The following TRERF1 variants were observed in gnomAD, a reference collection of about 807,000 sequenced individuals.
TRERF1 encodes transcriptional regulating factor 1, also known as transcriptional-regulating factor 1.
In TRERF1, 27 loss-of-function variants were observed where a neutral mutation model predicts 122.9. That is an observed-to-expected ratio of 0.22 (90% CI 0.16 to 0.30). The LOEUF (loss-of-function observed/expected upper bound fraction) is 0.30. TRERF1 is among the 10% of genes least tolerant of loss of function. TRERF1 has a pLI of 1.00. For synonymous variants in TRERF1, 636 were observed against 641.7 expected (o/e 0.99, Z 0.13); for missense variants, 1,248 against 1,560.3 (o/e 0.80, Z 3.37).
chr6:42,352,976 G>A (rs1308476560), intron 3 of TRERF1, among the ~76,000 whole-genome samples: 1 of 152,126 alleles, frequency 6.6e-6, no homozygotes, highest in East Asian at 1.9e-4. Flanking sequence ...ATTCCAATGA[G>A]TAATTTGGCA....
chr6:42,259,746 A>T lies in TRERF1; in HGVS notation c.1885-23T>A, dbSNP rs1194977902. 2 of 1,599,576 alleles carry T rather than the reference A, an allele frequency of 1.3e-6. No homozygotes were observed. Among genetic ancestry groups the T allele is most frequent in the Non-Finnish European group, 1.7e-6 (2 of 1,179,814 alleles). ...TTCCTAAAACCGGAACAACGATCTG[A>T]TTCGAATACTTCAGCTTCCCCCGCA... On this transcript the variant is annotated intron_variant, in intron 8 of 17. Transcript: ENST00000372922. This position sits in a 1 kb window ranked among gnomAD's most constrained non-coding sequence, Gnocchi z 4.9.
chr6:42,281,023 G>A (rs1377334498), intron 4 of TRERF1, among the ~76,000 whole-genome samples: 1 of 152,150 alleles, frequency 6.6e-6, no homozygotes, highest in Non-Finnish European at 1.5e-5. Context: ...GATGATGAAG[G>A]TTGGCTTCTG....
chr6:42,238,972 A>T (rs557964175), intron 15 of TRERF1, among the ~76,000 whole-genome samples: 1 of 152,210 alleles, frequency 6.6e-6, no homozygotes, highest in Admixed American at 6.5e-5. Flanking sequence ...CTGGTAAAAA[A>T]GTTGAACTGA....
At chr6:42,366,748 A>C (rs1772808868) in intron 2 of TRERF1, among the ~76,000 whole-genome samples, 2 of 152,206 alleles carry the variant, frequency 1.3e-5, no homozygotes, top group African/African-American at 4.8e-5. Flanking sequence ...GAGGAGCTGG[A>C]CTGATCCACT....
At chr6:42,384,418 A>G (rs937930072) in intron 2 of TRERF1, among the ~76,000 whole-genome samples, 1 of 152,240 alleles carries the variant, frequency 6.6e-6, no homozygotes, top group African/African-American at 2.4e-5. Flanking sequence ...GTATGCCAAC[A>G]GTTGTTGAAA....
Position 42,415,293 on chromosome 6 carries a change from C to G in TRERF1, c.-454+35884G>C, listed in dbSNP as rs541771603. On this transcript the variant is annotated intron_variant, in intron 2 of 17. Transcript: ENST00000372922. ...CTTTGTATATTAAGAAAATTAACTC[C>G]TTTTATCATATTTTTTCCAAATTAT... 3.6e-4 allele frequency among the ~76,000 whole-genome samples: 55 copies of G among 152,130 alleles called. No homozygotes were observed. The South Asian group carries it at 5.8e-3, about 16-fold the overall frequency.
chr6:42,443,432 G>C (rs1215623674), intron 2 of TRERF1, among the ~76,000 whole-genome samples: 5 of 152,254 alleles, frequency 3.3e-5, no homozygotes, highest in Admixed American at 6.5e-5. Flanking sequence ...GTAAGACTAA[G>C]GGCTAATGAC....
In TRERF1 at chr6:42,276,981, G is replaced by A. The variant is rs1403141918; in HGVS notation, c.-258-7133C>T. On this transcript the variant is annotated intron_variant, in intron 4 of 17. Transcript: ENST00000372922. This position sits in a 1 kb window ranked among gnomAD's most constrained non-coding sequence, Gnocchi z 4.3. ...GGCTCCTCATTAGGAAATAGAGATT[G>A]GACCGATTTCACTTTTTGGTTGTCA... Among the ~76,000 whole-genome samples, 9 of 152,160 alleles carry A rather than the reference G, an allele frequency of 5.9e-5. No homozygotes were observed. The highest frequency in any genetic ancestry group is 2.9e-5 in the Non-Finnish European group (2 of 68,026).
chr6:42,268,022 T>C lies in TRERF1; in HGVS notation c.1437+132A>G. On this transcript the variant is annotated intron_variant, in intron 5 of 17. Coordinates refer to ENST00000372922, the Ensembl canonical transcript of TRERF1. The surrounding 1 kb of genome is among the most constrained non-coding windows in gnomAD (Gnocchi z 4.4). ...TGGCACAGACAGTGCGTGACACATG[T>C]AGGTTAATGTTTGTGGAATTAGTAA... 9.1e-7 allele frequency: 1 copy of C among 1,101,568 alleles called. No homozygotes were observed. Among genetic ancestry groups the C allele is most frequent in the Non-Finnish European group, 1.2e-6 (1 of 828,724 alleles). The allele number at this position is 1,101,568 out of a possible 1,614,324, so 68.2% of individuals were successfully genotyped here.
intron 2 of TRERF1, among the ~76,000 whole-genome samples, chr6:42,437,497 G>A (rs1401854163): frequency 1.3e-5 from 2 of 152,124 alleles, no homozygotes; most frequent in Non-Finnish European, 2.9e-5. Context: ...TTTTCAGTCA[G>A]TAAAACAAAG....
chr6:42,290,974 A>G (rs1024262125), intron 4 of TRERF1, among the ~76,000 whole-genome samples: 1 of 152,124 alleles, frequency 6.6e-6, no homozygotes, highest in Non-Finnish European at 1.5e-5. Context: ...ACACCAAAGA[A>G]TTCGTGAAAG....
At chr6:42,242,974 G>T (rs148301313) in intron 15 of TRERF1, among the ~76,000 whole-genome samples, 59 of 152,256 alleles carry the variant, frequency 3.9e-4, no homozygotes, top group Middle Eastern at 3.4e-3. Flanking sequence ...GACCATCCTT[G>T]GTTTAATTCT....
intron 4 of TRERF1, among the ~76,000 whole-genome samples, chr6:42,288,424 C>G (rs930385412): frequency 6.6e-6 from 1 of 151,878 alleles, no homozygotes; most frequent in East Asian, 1.9e-4. Context: ...CATCATTAGC[C>G]GGGCGTGCTG....
intron 3 of TRERF1, among the ~76,000 whole-genome samples, chr6:42,332,029 G>A (rs1048847834): frequency 6.6e-6 from 1 of 152,200 alleles, no homozygotes; most frequent in African/African-American, 2.4e-5. Context: ...TGCAACCTCT[G>A]CCTTCTGGGT....
chr6:42,303,904 T>TAAAAAAAAAAAA (rs60880174), intron 3 of TRERF1, among the ~76,000 whole-genome samples: 2 of 69,258 alleles, frequency 2.9e-5, no homozygotes, highest in Admixed American at 2.0e-4. Context: ...CACTGTCTCA[T>TAAAAAAAAAAAA]AAAAAAAAAA....
chr6:42,319,093 T>C (rs781077117), intron 3 of TRERF1, among the ~76,000 whole-genome samples: 19 of 152,258 alleles, frequency 1.2e-4, no homozygotes, highest in Non-Finnish European at 7.3e-5. Context: ...CATAGGCCTG[T>C]GGCAGTGTTT....
intron 2 of TRERF1, among the ~76,000 whole-genome samples, chr6:42,431,786 T>A (rs1338682662): frequency 6.6e-6 from 1 of 151,746 alleles, no homozygotes; most frequent in Non-Finnish European, 1.5e-5. Context: ...TCTCAAGCTA[T>A]AAAGTGAGCC....
At chr6:42,365,881 C>T (rs546469889) in intron 2 of TRERF1, among the ~76,000 whole-genome samples, 11 of 152,334 alleles carry the variant, frequency 7.2e-5, no homozygotes, top group South Asian at 2.1e-4. Context: ...TTACTAATCC[C>T]GGCTCCATGC....
chr6:42,411,805 C>A (rs972390286), intron 2 of TRERF1, among the ~76,000 whole-genome samples: 6 of 152,076 alleles, frequency 3.9e-5, no homozygotes, highest in African/African-American at 1.4e-4. Context: ...CAGCTGCACT[C>A]AGAATGGGAG....
Sources: allele counts gnomAD v4.1 joint callset (sites outside exome capture counted in the v4.1 genomes callset), GRCh38; gene constraint gnomAD v4.1.1; non-coding constraint Gnocchi (gnomAD v3.1); transcripts MANE v1.5; gene names NCBI Gene and HGNC (gene_info 2026-07-23, HGNC 2026-07-21).